INTS6: variants seen among roughly 807,000 people sequenced by gnomAD.
The protein encoded by INTS6 is DEAD box protein.
A neutral mutation model predicts 104.9 loss-of-function variants in INTS6; 16 were observed. That is an observed-to-expected ratio of 0.15 (90% CI 0.10 to 0.23). The LOEUF (loss-of-function observed/expected upper bound fraction) is 0.23, where lower values mean the gene tolerates loss of function less well. INTS6 is among the 10% of genes least tolerant of loss of function. INTS6 has a pLI of 1.00. For synonymous variants in INTS6, 324 were observed against 358.7 expected, an observed-to-expected ratio of 0.90 and a Z score of 1.09; for missense variants, 584 against 1,062.8, an observed-to-expected ratio of 0.55 and a Z score of 6.26.
intron 4 of INTS6, among the ~76,000 whole-genome samples, chr13:51,407,600 C>T (rs183711603): frequency 6.6e-6 from 1 of 152,214 alleles, no homozygotes; most frequent in East Asian, 1.9e-4. Context: ...ACGGTATGTC[C>T]TAATGTTCTG....
chr13:51,355,520 C>T (rs1370595884), intron 3 of INTS6, among the ~76,000 whole-genome samples: 1 of 152,168 alleles, frequency 6.6e-6, no homozygotes, highest in East Asian at 1.9e-4. Context: ...TTTGTTTCTA[C>T]ACCCTTTTCC....
At chr13:51,359,319 A>G (rs1352947620), downstream of INTS6, among the ~76,000 whole-genome samples, 2 of 152,134 alleles carry the variant, frequency 1.3e-5, no homozygotes, top group Admixed American at 1.3e-4. Flanking sequence ...GCAAAACCAT[A>G]GATGACTCCC....
In INTS6 at chr13:51,384,109, T is replaced by C. The variant is rs543056954; in HGVS notation, c.895-368A>G. ...AGAGTAGCGACTTCCAAAGTAATCATAGATCTTGATCAGTTTTTGAACACA... is the reference window on the plus strand; with the variant it reads ...AGAGTAGCGACTTCCAAAGTAATCACAGATCTTGATCAGTTTTTGAACACA... On this transcript the variant is annotated intron_variant, in intron 7 of 17. Transcript: ENST00000311234. The C allele has an allele frequency of 8.0e-5, 13 of 162,900 alleles. No homozygotes were observed. The South Asian group carries it at 8.7e-4, about 11-fold the overall frequency. 10.1% of individuals were successfully genotyped at this position (162,900 alleles called of 1,614,324 possible). A position where few individuals can be genotyped will look rare whatever the true frequency, so the allele number is the denominator to read the frequency against.
chr13:51,400,504 G>A (rs1956417011), intron 4 of INTS6, among the ~76,000 whole-genome samples: 3 of 152,118 alleles, frequency 2.0e-5, no homozygotes, highest in Admixed American at 2.0e-4. Context: ...CAAAATAGGG[G>A]CAAAGATACA....
intron 3 of INTS6, among the ~76,000 whole-genome samples, chr13:51,433,341 G>A (rs896543613): frequency 6.6e-6 from 1 of 152,174 alleles, no homozygotes; most frequent in Admixed American, 6.5e-5. Flanking sequence ...CCAGCTACTC[G>A]GGAGGCCGAA....
chr13:51,436,868 T>C (rs983621173), intron 3 of INTS6: 4 of 152,326 alleles, frequency 2.6e-5, no homozygotes, highest in South Asian at 2.1e-4. Context: ...AGGCAAATAG[T>C]GTTTATGCTG....
chr13:51,418,534 T>TA (rs201283951), intron 4 of INTS6, among the ~76,000 whole-genome samples: 1,729 of 152,278 alleles, frequency 0.011, 26 homozygotes, highest in East Asian at 0.071. Flanking sequence ...AAAAAATTAT[T>TA]AAAGTCAAAG....
chr13:51,364,249 C>T lies in INTS6; in HGVS notation c.*1503G>A. Reference sequence around the variant, plus strand: ...TCTTTTTCTTGACAGGGTTTGTCTTCAGTATTGGGAGAGTTTCAAATCCCC... The same window carrying T: ...TCTTTTTCTTGACAGGGTTTGTCTTTAGTATTGGGAGAGTTTCAAATCCCC... On this transcript the variant is annotated 3_prime_UTR_variant, in exon 18 of 18. Coordinates refer to ENST00000311234, the MANE Select transcript of INTS6 (RefSeq NM_012141.3). The T allele has an allele frequency of 6.9e-7, 1 of 1,458,248 alleles. No individual in the cohort carries two copies. Among genetic ancestry groups the T allele is most frequent in the South Asian group, 1.3e-5 (1 of 78,260 alleles). The allele number at this position is 1,458,248 out of a possible 1,614,324, so 90.3% of individuals were successfully genotyped here.
At position 51,452,305 on chromosome 13, in the gene INTS6, G is replaced by A. The variant is rs1953078755; in HGVS notation, c.111+110C>T. The A allele has an allele frequency of 4.5e-6, 5 of 1,110,196 alleles. No homozygotes were observed. The highest frequency in any genetic ancestry group is 5.6e-6 in the Non-Finnish European group (5 of 893,288). 68.8% of individuals were successfully genotyped at this position (1,110,196 alleles called of 1,614,324 possible). A position where few individuals can be genotyped will look rare whatever the true frequency, so the allele number is the denominator to read the frequency against. ...GTGGGGGAGGGGGTCCCCGAGCCCG[G>A]CAGCTCCCGCAGTCAGGTCCCCGAC... is the stretch of plus-strand genomic sequence containing the variant. On this transcript the variant is annotated intron_variant, in intron 1 of 17. Transcript: ENST00000311234. This position sits in a 1 kb window ranked among gnomAD's most constrained non-coding sequence, Gnocchi z 4.2.
chr13:51,405,351 A>C (rs1425415225), intron 4 of INTS6, among the ~76,000 whole-genome samples: 3 of 152,154 alleles, frequency 2.0e-5, no homozygotes, highest in African/African-American at 7.2e-5. Flanking sequence ...GTACATGAGG[A>C]AAGAAAGAGG....
the INTS6 span, among the ~76,000 whole-genome samples, chr13:51,348,933 C>A: frequency 5.9e-5 from 9 of 152,208 alleles, no homozygotes; most frequent in African/African-American, 1.9e-4. Context: ...GGTTCTCATT[C>A]TTTCTAAATG....
At position 51,436,148 on chromosome 13, in the gene INTS6, C is replaced by G. The variant is rs149359342; in HGVS notation, c.340-5765G>C. On this transcript the variant is annotated intron_variant, in intron 3 of 17. Coordinates refer to ENST00000311234, the MANE Select transcript of INTS6 (RefSeq NM_012141.3). ...AGATCTCTGAAGGATACGTTAGAAA[C>G]TGATTAGCCATGGTTGCCTCCATAG... 6.2e-3 allele frequency among the ~76,000 whole-genome samples: 949 copies of G among 152,178 alleles called. 10 individuals carry two copies. The highest frequency in any genetic ancestry group is 0.021 in the African/African-American group (883 of 41,556).
intron 3 of INTS6, chr13:51,448,006 C>T (rs1444477488): frequency 1.3e-5 from 2 of 152,052 alleles, no homozygotes; most frequent in East Asian, 1.9e-4. Flanking sequence ...TGCGGTGAGC[C>T]GAGATCGCGC....
intron 4 of INTS6, among the ~76,000 whole-genome samples, chr13:51,425,790 C>T (rs552722327): frequency 2.6e-5 from 4 of 152,124 alleles, no homozygotes; most frequent in Admixed American, 6.5e-5. Context: ...TTTGATATAT[C>T]AGTTATATAA....
Position 51,430,292 on chromosome 13 carries a change from A to G in INTS6, c.429+2T>C. 6.2e-7 allele frequency: 1 copy of G among 1,611,998 alleles called. No individual in the cohort carries two copies. Among genetic ancestry groups the G allele is most frequent in the Non-Finnish European group, 8.5e-7 (1 of 1,178,588 alleles). On this transcript the variant is annotated splice_donor_variant, in intron 4 of 17. Coordinates refer to ENST00000311234, the MANE Select transcript of INTS6 (RefSeq NM_012141.3). LOFTEE classifies it high-confidence loss of function. ...AATCCATGTAATATAAGCACAACTT[A>G]CCTCATCCTGGACTCCACTGGTGGT...
intron 7 of INTS6, chr13:51,384,491 C>T (rs116924634): frequency 0.016 from 6,109 of 386,308 alleles, 109 homozygotes; most frequent in East Asian, 0.069. Context: ...TGCTTATACC[C>T]TGGTGGTTCA....
downstream of INTS6, among the ~76,000 whole-genome samples, chr13:51,360,711 C>G (rs754029136): frequency 4.6e-5 from 7 of 152,012 alleles, no homozygotes; most frequent in Non-Finnish European, 8.8e-5. Context: ...ATACAGAATA[C>G]AGTCATGCAA....
chr13:51,427,849 A>T (rs1547710), intron 4 of INTS6, among the ~76,000 whole-genome samples: 1,720 of 152,192 alleles, frequency 0.011, 25 homozygotes, highest in East Asian at 0.071. Flanking sequence ...AAAGGTAAAA[A>T]CTCTGCCCAC....
chr13:51,341,349 T>C, the INTS6 span: 1 of 1,587,324 alleles, frequency 6.3e-7, no homozygotes, highest in Non-Finnish European at 8.6e-7. Context: ...CTGTCCATGG[T>C]AAGAGGCCTG....
Sources: gnomAD v4.1 joint callset for allele counts (sites outside exome capture counted in the v4.1 genomes callset) on GRCh38, gnomAD v4.1.1 for gene constraint, Gnocchi (gnomAD v3.1) non-coding constraint, MANE v1.5 for transcripts, NCBI Gene and HGNC (gene_info 2026-07-23, HGNC 2026-07-21) for gene names.